EVA1A: variants seen among roughly 807,000 people sequenced by gnomAD.
EVA1A encodes protein eva-1 homolog A.
In EVA1A, 7 loss-of-function variants were observed where a neutral mutation model predicts 9.8. The ratio of observed to expected loss-of-function variants is 0.71; its 90% CI spans 0.41 to 1.34. The LOEUF is 1.34. Ranked by LOEUF, EVA1A falls within the 40% of genes most tolerant of loss-of-function variation. The probability of loss-of-function intolerance (pLI) is 0.01; values close to 1 mark genes in which losing one functional copy is unlikely to be tolerated. For missense variants in EVA1A, 206 were observed against 205.9 expected, an observed-to-expected ratio of 1.00 and a Z score of 0.00; for synonymous variants, 90 against 85.6, an observed-to-expected ratio of 1.05 and a Z score of -0.28.
chr2:75,520,339 AT>A (rs1484541624), intron 2 of EVA1A, among the ~76,000 whole-genome samples: 1 of 152,218 alleles, frequency 6.6e-6, no homozygotes, highest in Non-Finnish European at 1.5e-5. Flanking sequence ...AAATAAAAAA[AT>A]CCATACTGAA....
chr2:75,511,619 T>C (rs56250940), intron 3 of EVA1A, among the ~76,000 whole-genome samples: 9,738 of 152,262 alleles, frequency 0.064, 420 homozygotes, highest in Middle Eastern at 0.16. Flanking sequence ...TAAAGAACTC[T>C]GGAAGGATGC....
intron 1 of EVA1A, among the ~76,000 whole-genome samples, chr2:75,535,832 C>A (rs1675865806): frequency 6.6e-6 from 1 of 152,120 alleles, no homozygotes; most frequent in African/African-American, 2.4e-5. Context: ...GGGTACAACA[C>A]ACACTATTCA....
chr2:75,538,538 A>G (rs77260417), intron 1 of EVA1A, among the ~76,000 whole-genome samples: 1,621 of 152,336 alleles, frequency 0.011, 28 homozygotes, highest in African/African-American at 0.037. Flanking sequence ...GACTGGGTAC[A>G]TGAATATTTA....
intron 3 of EVA1A, among the ~76,000 whole-genome samples, chr2:75,508,777 TC>T (rs1674709087): frequency 6.6e-6 from 1 of 152,104 alleles, no homozygotes; most frequent in Non-Finnish European, 1.5e-5. Flanking sequence ...ATGTGATGTC[TC>T]CCCCGGATGC....
Position 75,518,107 on chromosome 2 carries a change from C to T in EVA1A, c.34G>A (p.Val12Met), listed in dbSNP as rs112344664. Residue 12 changes from valine (V) to methionine (M), a missense_variant, in exon 3 of 4, where the codon GTG (valine) becomes ATG (methionine). Coordinates refer to ENST00000393913, the MANE Select transcript of EVA1A (RefSeq NM_001135032.2). ...ATGTTGCTGAGCAAAGCCATCTCCACGTGCTCTGGGCTGTGGCTGAGGGGC... is the reference window on the plus strand; with the variant it reads ...ATGTTGCTGAGCAAAGCCATCTCCATGTGCTCTGGGCTGTGGCTGAGGGGC... Reference protein sequence around the residue: ...RLPLSHSPEHVEMALLSNILA... With the variant: ...RLPLSHSPEHMEMALLSNILA... 6.8e-5 allele frequency: 110 copies of T among 1,614,144 alleles called. No individual in the cohort carries two copies. Among genetic ancestry groups the T allele is most frequent in the Admixed American group, 6.2e-4 (37 of 60,024 alleles).
At chr2:75,530,918 A>G (rs890605957) in intron 1 of EVA1A, among the ~76,000 whole-genome samples, 8 of 147,270 alleles carry the variant, frequency 5.4e-5, no homozygotes, top group African/African-American at 2.0e-4. Flanking sequence ...TCAGAAACAG[A>G]AAGAAATAAA....
chr2:75,531,708 C>G (rs1287876516), intron 1 of EVA1A, among the ~76,000 whole-genome samples: 1 of 152,026 alleles, frequency 6.6e-6, no homozygotes, highest in Non-Finnish European at 1.5e-5. Flanking sequence ...GGGAGCTAAG[C>G]TATGAGGACG....
chr2:75,556,603 A>G (rs1391613437), intron 1 of EVA1A, among the ~76,000 whole-genome samples: 2 of 152,206 alleles, frequency 1.3e-5, no homozygotes, highest in African/African-American at 4.8e-5. Flanking sequence ...AGAGGGGATA[A>G]TGCCAGGAGA....
At chr2:75,554,235 G>C (rs1676622913) in intron 1 of EVA1A, among the ~76,000 whole-genome samples, 1 of 152,184 alleles carries the variant, frequency 6.6e-6, no homozygotes, top group Non-Finnish European at 1.5e-5. Flanking sequence ...AATTACAGCA[G>C]GTGTTTTGTA....
intron 1 of EVA1A, among the ~76,000 whole-genome samples, chr2:75,535,589 C>T (rs147632693): frequency 7.3e-4 from 111 of 152,302 alleles, no homozygotes; most frequent in African/African-American, 2.6e-3. Flanking sequence ...GTAATTCATT[C>T]ATCAGTTGAA....
intron 1 of EVA1A, among the ~76,000 whole-genome samples, chr2:75,554,664 A>C (rs1380592738): frequency 6.6e-6 from 1 of 152,126 alleles, no homozygotes; most frequent in Non-Finnish European, 1.5e-5. Context: ...TCCTCCTCTA[A>C]TACAGACCTC....
chr2:75,551,273 G>T (rs935096266), intron 1 of EVA1A, among the ~76,000 whole-genome samples: 2 of 152,120 alleles, frequency 1.3e-5, no homozygotes, highest in Admixed American at 1.3e-4. Flanking sequence ...GCTAAAGTTT[G>T]GTATGTCCAC....
chr2:75,567,203 C>T (rs967538705), intron 1 of EVA1A, among the ~76,000 whole-genome samples: 1 of 152,082 alleles, frequency 6.6e-6, no homozygotes, highest in South Asian at 2.1e-4. Context: ...ACCATTGACT[C>T]TCATTATAAA....
chr2:75,552,492 T>C (rs1676560697), intron 1 of EVA1A, among the ~76,000 whole-genome samples: 2 of 152,182 alleles, frequency 1.3e-5, no homozygotes, highest in South Asian at 2.1e-4. Context: ...ATGCCAACTT[T>C]ATTGCCAAAG....
intron 1 of EVA1A, among the ~76,000 whole-genome samples, chr2:75,555,301 A>ATCTCTCTCCCTCTCTCTCTCTC (rs1392383779): frequency 1.7e-5 from 1 of 57,154 alleles, no homozygotes; most frequent in Non-Finnish European, 4.0e-5. Flanking sequence ...TCAAAACTCA[A>ATCTCTCTCCCTCTCTCTCTCTC]TCTCTCTCTC....
chr2:75,547,766 A>G (rs1010540279), intron 1 of EVA1A, among the ~76,000 whole-genome samples: 3 of 152,038 alleles, frequency 2.0e-5, no homozygotes, highest in Non-Finnish European at 4.4e-5. Flanking sequence ...TTCTCTCCCC[A>G]TCCTCCAATT....
chr2:75,555,931 G>A lies in EVA1A; in HGVS notation c.-192+4749C>T, dbSNP rs1676696605. On this transcript the variant is annotated intron_variant, in intron 1 of 3. Coordinates refer to ENST00000393913, the MANE Select transcript of EVA1A (RefSeq NM_001135032.2). ...CAAGCTCAAACATCCTCTTCTCTCT[G>A]ATGCCTTTCCTAACTCTTCTAGCAG... 2.0e-5 allele frequency among the ~76,000 whole-genome samples: 3 copies of A among 152,188 alleles called. No individual in the cohort carries two copies. In the South Asian group the frequency reaches 6.2e-4, roughly 32 times the overall value.
chr2:75,501,895 C>T (rs1449504826), intron 3 of EVA1A, among the ~76,000 whole-genome samples: 1 of 152,180 alleles, frequency 6.6e-6, no homozygotes, highest in Non-Finnish European at 1.5e-5. Context: ...GAGAACCTGC[C>T]TAGGTTCAGA....
intron 1 of EVA1A, among the ~76,000 whole-genome samples, chr2:75,544,651 C>T (rs1676264203): frequency 6.6e-6 from 1 of 152,176 alleles, no homozygotes; most frequent in Non-Finnish European, 1.5e-5. Context: ...ATTAACCTCT[C>T]ATGATGATAC....
Sources: allele counts gnomAD v4.1 joint callset (sites outside exome capture counted in the v4.1 genomes callset), GRCh38; gene constraint gnomAD v4.1.1; transcripts MANE v1.5; gene names NCBI Gene and HGNC (gene_info 2026-07-23, HGNC 2026-07-21).